The following CAND2 variants were observed in gnomAD, a reference collection of about 807,000 sequenced individuals.
The protein encoded by CAND2 is cullin-associated NEDD8-dissociated protein 2.
In CAND2, 62 loss-of-function variants were observed where a neutral mutation model predicts 98.9. That is an observed-to-expected ratio of 0.63 (90% CI 0.51 to 0.77). The LOEUF is 0.77. CAND2 is among the 30% of genes least tolerant of loss of function. CAND2 has a pLI of 0.00. For synonymous variants in CAND2, 770 were observed against 731.9 expected (o/e 1.05, Z -0.84); for missense variants, 1,501 against 1,655.2 (o/e 0.91, Z 1.62).
intron 5 of CAND2, among the ~76,000 whole-genome samples, chr3:12,812,221 C>CTTTTTTATTTTTTTTTTTTTTT (rs2061857239): frequency 1.3e-5 from 1 of 74,514 alleles, no homozygotes; most frequent in Admixed American, 1.5e-4. Flanking sequence ...AGCTGTTTAT[C>CTTTTTTATTTTTTTTTTTTTTT]TTTTTTTTTT....
Position 12,834,365 on chromosome 3 carries a change from A to C in CAND2, c.*383A>C, listed in dbSNP as rs1575786728. 3 of 204,064 alleles carry C rather than the reference A, an allele frequency of 1.5e-5. No homozygotes were observed. In the East Asian group the frequency reaches 3.2e-4, roughly 22 times the overall value. The allele number at this position is 204,064 out of a possible 1,614,324, so 12.6% of individuals were successfully genotyped here. A position where few individuals can be genotyped will look rare whatever the true frequency, so the allele number is the denominator to read the frequency against. On this transcript the variant is annotated 3_prime_UTR_variant, in exon 15 of 15. Transcript: ENST00000456430. Reference sequence around the variant, plus strand: ...TGTCAGCTGTAAAAGATCAGGAGGCAGCAGACACCACTCTGGTTTCTTCAC... The same window carrying C: ...TGTCAGCTGTAAAAGATCAGGAGGCCGCAGACACCACTCTGGTTTCTTCAC...
At position 12,815,429 on chromosome 3, in the gene CAND2, G is replaced by A. The variant is rs769635010; in HGVS notation, c.1295G>A (p.Gly432Glu). 2.1e-5 allele frequency: 33 copies of A among 1,607,098 alleles called. No individual in the cohort carries two copies. The highest frequency in any genetic ancestry group is 2.7e-5 in the Non-Finnish European group (32 of 1,175,198). ...GGCAGCAACCTCCATATGCTACGTG[G>A]ACAGGTGGGCGTGCCTTCACCTCCA... ...QTGSNLHMLR[G>E]QVPLVVKALQ... is the part of the protein sequence containing the mutation. Residue 432 changes from glycine to glutamate, a missense_variant, in exon 8 of 15, where the codon GGA becomes GAA. Coordinates refer to ENST00000456430, the MANE Select transcript of CAND2 (RefSeq NM_001162499.2). The surrounding 1 kb of genome is among the most constrained non-coding windows in gnomAD (Gnocchi z 5.7).
chr3:12,831,744 C>T (rs2062055499), intron 14 of CAND2, among the ~76,000 whole-genome samples, 172 bp downstream of exon 14: 2 of 152,220 alleles, frequency 1.3e-5, no homozygotes, highest in South Asian at 4.1e-4. Context: ...ATTGTATACA[C>T]AGGGGAACAG....
chr3:12,803,610 TGCAGAACC>T lies in CAND2; in HGVS notation c.192_199del (p.Gln65GlyfsTer93), dbSNP rs1452555581. Reference sequence around the variant, plus strand: ...CTCCTGGAGGACAAGAACGGTGAGGTGCAGAACCTGGCTGTCAAGTGGTGAGTGTCAGC... The same window carrying T: ...CTCCTGGAGGACAAGAACGGTGAGGTTGGCTGTCAAGTGGTGAGTGTCAGC... On this transcript the variant is annotated frameshift_variant, in exon 2 of 15. Coordinates refer to ENST00000456430, the MANE Select transcript of CAND2 (RefSeq NM_001162499.2). LOFTEE classifies it high-confidence loss of function. The T allele has an allele frequency of 6.2e-7, 1 of 1,610,024 alleles. No individual in the cohort carries two copies. Among genetic ancestry groups the T allele is most frequent in the Non-Finnish European group, 8.5e-7 (1 of 1,177,998 alleles).
intron 1 of CAND2, among the ~76,000 whole-genome samples, chr3:12,799,326 G>T (rs1446136723): frequency 6.6e-6 from 1 of 152,160 alleles, no homozygotes; most frequent in Non-Finnish European, 1.5e-5. Context: ...AAAGGAGGTA[G>T]TTGCCCAATG....
At chr3:12,812,713 T>C (rs900916011) in intron 5 of CAND2, among the ~76,000 whole-genome samples, 4 of 152,206 alleles carry the variant, frequency 2.6e-5, no homozygotes, top group Non-Finnish European at 4.4e-5. Context: ...TATCATTATA[T>C]AATTTATCTT....
At position 12,816,819 on chromosome 3, in the gene CAND2, C is replaced by T. The variant is rs370985552; in HGVS notation, c.1887C>T (p.Pro629=). 52 of 1,613,706 alleles carry T rather than the reference C, an allele frequency of 3.2e-5. No homozygotes were observed. Among genetic ancestry groups the T allele is most frequent in the Non-Finnish European group, 4.1e-5 (48 of 1,180,036 alleles). Residue 629 remains proline (P), a synonymous_variant, in exon 10 of 15, where the codon CCC becomes CCT. Coordinates refer to ENST00000456430, the MANE Select transcript of CAND2 (RefSeq NM_001162499.2). The stretch of plus-strand genomic sequence containing the variant: ...TGCGGAATGAGATCACCCGGCTGCC[C>T]GCCATCAAGGCGCTTACGCTGGTGG... ...DRLRNEITRL[P]AIKALTLVAV...
At chr3:12,799,583 G>T (rs2061751832) in intron 1 of CAND2, among the ~76,000 whole-genome samples, 1 of 152,122 alleles carries the variant, frequency 6.6e-6, no homozygotes. Flanking sequence ...TGTAAGTTCT[G>T]TTAAGGGCTA....
Position 12,816,780 on chromosome 3 carries a change from C to T in CAND2, c.1848C>T (p.Leu616=), listed in dbSNP as rs1296011774. The T allele has an allele frequency of 4.3e-6, 7 of 1,613,470 alleles. No homozygotes were observed. Residue 616 remains leucine, a synonymous_variant, in exon 10 of 15, where the codon CTC becomes CTT. Transcript: ENST00000456430. ...LGDDLEPTLL[L]LLDRLRNEIT... ...ATGACCTGGAGCCCACGTTACTGCT[C>T]CTCCTGGACCGCCTGCGGAATGAGA...
intron 1 of CAND2, among the ~76,000 whole-genome samples, chr3:12,797,902 C>T (rs546509085): frequency 6.6e-6 from 1 of 152,082 alleles, no homozygotes; most frequent in Non-Finnish European, 1.5e-5. Context: ...GGTCTGACTC[C>T]TACTCTTCTC....
rs1244443766 is a variant in CAND2 at position 12,808,306 on chromosome 3, T to C, written c.464T>C (p.Leu155Pro). ...GATGTGGCTGTGCAGCTGGAAGCCC[T>C]GGACATCCTCTCTGACATGCTGAGC... Reference protein sequence around the residue: ...QEDVAVQLEALDILSDMLSRL... With the variant: ...QEDVAVQLEAPDILSDMLSRL... The change falls in exon 4 of 15, where the codon CTG (leucine) becomes CCG (proline). Residue 155 changes from leucine to proline, a missense_variant. Leu to Pro is a moderately conservative substitution (Grantham distance 98). Transcript: ENST00000456430. 6.4e-7 allele frequency: 1 copy of C among 1,551,470 alleles called. No homozygotes were observed. The highest frequency in any genetic ancestry group is 1.7e-4 in the Middle Eastern group (1 of 5,992).
intron 1 of CAND2, 104 bp from the exon 2 acceptor site, chr3:12,803,384 G>A (rs1231309526): frequency 8.9e-7 from 1 of 1,118,840 alleles, no homozygotes; most frequent in Non-Finnish European, 1.2e-6. Context: ...ATTTGACCTC[G>A]AATCTTTGTA....
rs769377828 is a variant in CAND2, at chr3:12,816,374, GCAT to G, written c.1447_1449del (p.Ile483del). 2 of 1,607,906 alleles carry G rather than the reference GCAT, an allele frequency of 1.2e-6. No homozygotes were observed. The highest frequency in any genetic ancestry group is 2.7e-5 in the African/African-American group (2 of 74,902). On this transcript the variant is annotated inframe_deletion and splice_region_variant, in exon 10 of 15. Transcript: ENST00000456430. ...CATAACCTTTGCATTCACCCTGCAG[GCAT>G]CATCTTCTCGCTGGCCGACCGCTCC...
At position 12,808,247 on chromosome 3, in the gene CAND2, A is replaced by G; in HGVS notation, c.405A>G (p.Thr135=). 7 of 1,551,360 alleles carry G rather than the reference A, an allele frequency of 4.5e-6. No homozygotes were observed. The highest frequency in any genetic ancestry group is 6.1e-6 in the Non-Finnish European group (7 of 1,146,970). Residue 135 remains threonine (T), a synonymous_variant, in exon 4 of 15, where the codon ACA becomes ACG. Transcript: ENST00000456430. ...GLATNVCRKI[T]GQLTSAIAQQ... is the part of the protein sequence containing the mutation. ...CCACCAACGTGTGCCGGAAGATCAC[A>G]GGCCAGCTCACCAGTGCCATTGCCC...
At chr3:12,802,296 C>T (rs1054832055) in intron 1 of CAND2, among the ~76,000 whole-genome samples, 1 of 152,214 alleles carries the variant, frequency 6.6e-6, no homozygotes, top group Non-Finnish European at 1.5e-5. Flanking sequence ...CACTGCACTC[C>T]AGCCTGGGCA....
intron 1 of CAND2, among the ~76,000 whole-genome samples, chr3:12,801,192 C>T (rs574144587): frequency 2.0e-4 from 30 of 152,120 alleles, no homozygotes; most frequent in Admixed American, 1.8e-3. Flanking sequence ...TGTCTGCCAC[C>T]GCGCTCGGCT....
In CAND2 at chr3:12,816,384, C is replaced by G; in HGVS notation, c.1452C>G (p.Phe484Leu). The change falls in exon 10 of 15, where the codon TTC (phenylalanine) becomes TTG (leucine). Residue 484 changes from phenylalanine to leucine, a missense_variant. Physicochemically the swap from Phe to Leu is conservative, Grantham distance 22. This residue lies in a region of CAND2 where 1,427 missense variants were observed against 1,545.3 expected (regional missense o/e 0.92). Coordinates refer to ENST00000456430, the MANE Select transcript of CAND2 (RefSeq NM_001162499.2). ...HMPVLVSGII[F>L]SLADRSSSST... is the part of the protein sequence containing the mutation. ...GCATTCACCCTGCAGGCATCATCTT[C>G]TCGCTGGCCGACCGCTCCAGCTCCT... 1.9e-6 allele frequency: 3 copies of G among 1,610,858 alleles called. No individual in the cohort carries two copies. The highest frequency in any genetic ancestry group is 2.5e-6 in the Non-Finnish European group (3 of 1,178,520).
chr3:12,816,323 C>G (rs1445716105), intron 9 of CAND2, 51 bp from the exon 10 acceptor site: 1 of 1,531,622 alleles, frequency 6.5e-7, no homozygotes, highest in Admixed American at 1.8e-5. Flanking sequence ...CCAGGGAGGG[C>G]CGTGTTGCAT....
chr3:12,807,264 G>A, intron 2 of CAND2, 42 bp from the exon 3 acceptor site: 7 of 1,539,690 alleles, frequency 4.5e-6, no homozygotes, highest in Non-Finnish European at 6.1e-6. Context: ...GACTCAGGCT[G>A]AACCTTGTGC....
Sources: allele counts gnomAD v4.1 joint callset (sites outside exome capture counted in the v4.1 genomes callset), GRCh38; gene constraint gnomAD v4.1.1; regional missense constraint gnomAD v4.1.1; non-coding constraint Gnocchi (gnomAD v3.1); transcripts MANE v1.5; gene names NCBI Gene and HGNC (gene_info 2026-07-23, HGNC 2026-07-21).